Variants in ERICH3 observed in about 807,000 individuals in gnomAD.
ERICH3 encodes glutamate-rich protein 3.
In ERICH3, 126 loss-of-function variants were observed where a neutral mutation model predicts 131.1. The ratio of observed to expected loss-of-function variants is 0.96; its 90% CI spans 0.83 to 1.11. ERICH3 has a LOEUF of 1.11. Ranked by LOEUF, ERICH3 falls within the 50% of genes most tolerant of loss-of-function variation. The probability of loss-of-function intolerance (pLI) is 0.00; values close to 1 mark genes in which losing one functional copy is unlikely to be tolerated. For synonymous variants in ERICH3, 695 were observed against 644.6 expected, an observed-to-expected ratio of 1.08 and a Z score of -1.18; for missense variants, 2,050 against 1,810.7, an observed-to-expected ratio of 1.13 and a Z score of -2.40.
chr1:74,642,604 C>T (rs901269851), intron 4 of ERICH3, among the ~76,000 whole-genome samples: 28 of 152,102 alleles, frequency 1.8e-4, no homozygotes, highest in African/African-American at 6.8e-4. Flanking sequence ...AGGATCCTTT[C>T]CACCGTATAT....
intron 7 of ERICH3, among the ~76,000 whole-genome samples, chr1:74,629,922 G>C (rs1649536337): frequency 6.6e-6 from 1 of 152,118 alleles, no homozygotes; most frequent in African/African-American, 2.4e-5. Flanking sequence ...AAAAATTAAA[G>C]AATGATGGGG....
At chr1:74,644,068 C>A (rs1646459756) in intron 3 of ERICH3, among the ~76,000 whole-genome samples, 2 of 121,508 alleles carry the variant, frequency 1.6e-5, no homozygotes, top group Admixed American at 1.7e-4. Context: ...GCTTAAAAGG[C>A]AAATTGAAAT....
At chr1:74,603,998 A>G (rs940862433) in intron 10 of ERICH3, among the ~76,000 whole-genome samples, 4 of 151,946 alleles carry the variant, frequency 2.6e-5, no homozygotes, top group African/African-American at 9.7e-5. Context: ...GTAGCATGCA[A>G]TGCTGTTTAA....
intron 1 of ERICH3, among the ~76,000 whole-genome samples, chr1:74,671,548 C>T (rs111931217): frequency 2.7e-4 from 41 of 152,080 alleles, no homozygotes; most frequent in Middle Eastern, 3.4e-3. Flanking sequence ...CTCAGCTGGC[C>T]GACACTCATG....
intron 1 of ERICH3, among the ~76,000 whole-genome samples, chr1:74,667,371 T>G (rs1212724157): frequency 1.3e-5 from 2 of 152,186 alleles, no homozygotes; most frequent in Non-Finnish European, 1.5e-5. Context: ...ATGGAGTCAT[T>G]CCATAACATA....
At chr1:74,673,225 G>A (rs1646758051) in intron 1 of ERICH3, among the ~76,000 whole-genome samples, 1 of 152,138 alleles carries the variant, frequency 6.6e-6, no homozygotes, top group Admixed American at 6.5e-5. Context: ...TAATGTATGC[G>A]TTTTTCACTT....
chr1:74,608,416 A>G (rs1384652461), intron 9 of ERICH3, among the ~76,000 whole-genome samples: 2 of 151,994 alleles, frequency 1.3e-5, no homozygotes, highest in East Asian at 1.9e-4. Context: ...GGGATCAGAA[A>G]GCAGTCAAGA....
At chr1:74,665,841 A>C (rs2100658523) in intron 1 of ERICH3, among the ~76,000 whole-genome samples, 1 of 152,248 alleles carries the variant, frequency 6.6e-6, no homozygotes, top group East Asian at 1.9e-4. Context: ...TTCAACATAT[A>C]AATTACAGTG....
chr1:74,571,054 C>G (rs1037847546), intron 14 of ERICH3, 45 bp downstream of exon 14: 18 of 1,552,168 alleles, frequency 1.2e-5, no homozygotes, highest in Non-Finnish European at 1.6e-5. Flanking sequence ...AGACCCACCG[C>G]AGGGCTGCTA....
intron 1 of ERICH3, among the ~76,000 whole-genome samples, chr1:74,652,117 A>G (rs1193686514): frequency 2.0e-5 from 3 of 152,198 alleles, no homozygotes; most frequent in African/African-American, 4.8e-5. Flanking sequence ...GGACAGCTGA[A>G]TAATAACCGG....
In ERICH3 at chr1:74,660,592, A is replaced by AGTGTATATATATATATATATATAGT. The variant is rs1327725794; in HGVS notation, c.24-11302_24-11278dup. 5.6e-5 allele frequency among the ~76,000 whole-genome samples: 5 copies of AGTGTATATATATATATATATATAGT among 89,482 alleles called. No homozygotes were observed. The East Asian group carries it at 9.6e-4, about 17-fold the overall frequency. The allele number at this position is 89,482 out of a possible 152,430, so 58.7% of individuals were successfully genotyped here. ...ATGTGTGCACACATTCAGACACACA[A>AGTGTATATATATATATATATATAGT]GTGTATATATATATATATATATAGT... On this transcript the variant is annotated intron_variant, in intron 1 of 14. Transcript: ENST00000326665.
At chr1:74,653,798 T>C (rs919670158) in intron 1 of ERICH3, among the ~76,000 whole-genome samples, 10 of 152,072 alleles carry the variant, frequency 6.6e-5, no homozygotes, top group African/African-American at 2.4e-4. Flanking sequence ...ACCCTGTAAC[T>C]CTACCCTCAT....
chr1:74,588,285 T>TA (rs1647426332), intron 12 of ERICH3, among the ~76,000 whole-genome samples: 1 of 152,192 alleles, frequency 6.6e-6, no homozygotes, highest in African/African-American at 2.4e-5. Context: ...TGAAGCCACA[T>TA]AGCATTTTTT....
intron 1 of ERICH3, among the ~76,000 whole-genome samples, chr1:74,657,086 G>T (rs1440965327): frequency 6.6e-6 from 1 of 152,142 alleles, no homozygotes; most frequent in Non-Finnish European, 1.5e-5. Context: ...CACATGTGAG[G>T]ATAATCACCT....
Position 74,572,854 on chromosome 1 carries a change from G to T in ERICH3, c.2856C>A (p.Asp952Glu). Reference sequence around the variant, plus strand: ...CCTCCATGGGTCCTGTGTCCTCTAGGTCTATGGATGCTTCCTCTTCACTTT... The same window carrying T: ...CCTCCATGGGTCCTGTGTCCTCTAGTTCTATGGATGCTTCCTCTTCACTTT... ...VGESEEEASI[D>E]LEDTGPMEDT... The change falls in exon 14 of 15, where the codon GAC (aspartate) becomes GAA (glutamate). Residue 952 changes from aspartate to glutamate, a missense_variant. Coordinates refer to ENST00000326665, the MANE Select transcript of ERICH3 (RefSeq NM_001002912.5). 6.2e-7 allele frequency: 1 copy of T among 1,613,688 alleles called. No individual in the cohort carries two copies. The highest frequency in any genetic ancestry group is 8.5e-7 in the Non-Finnish European group (1 of 1,179,988).
At chr1:74,641,287 A>G (rs770935051) in intron 5 of ERICH3, 44 bp downstream of exon 5, 26 of 1,592,760 alleles carry the variant, frequency 1.6e-5, no homozygotes, top group Non-Finnish European at 2.2e-5. Flanking sequence ...ATAATAAATT[A>G]ATTAGCTGGG....
intron 6 of ERICH3, chr1:74,634,666 T>C: frequency 2.8e-6 from 2 of 714,794 alleles, no homozygotes; most frequent in Non-Finnish European, 5.2e-6. Context: ...TATAATCACC[T>C]TGGCAAGCAT....
intron 12 of ERICH3, among the ~76,000 whole-genome samples, chr1:74,580,624 T>C (rs1350928443): frequency 6.6e-6 from 1 of 152,198 alleles, no homozygotes; most frequent in African/African-American, 2.4e-5. Context: ...AATTGAAAAG[T>C]GGTGGCAAGG....
At chr1:74,667,295 A>AT in intron 1 of ERICH3, among the ~76,000 whole-genome samples, 1 of 152,230 alleles carries the variant, frequency 6.6e-6, no homozygotes, top group East Asian at 1.9e-4. Flanking sequence ...TTAATCTTAG[A>AT]TTTTTTGTTT....
Sources: allele counts gnomAD v4.1 joint callset (sites outside exome capture counted in the v4.1 genomes callset), GRCh38; gene constraint gnomAD v4.1.1; transcripts MANE v1.5; gene names NCBI Gene and HGNC (gene_info 2026-07-23, HGNC 2026-07-21).